DCDC1: variants seen among roughly 807,000 people sequenced by gnomAD.
The protein encoded by DCDC1 is doublecortin domain containing 1.
A neutral mutation model predicts 178.3 loss-of-function variants in DCDC1; 200 were observed. The observed-to-expected ratio is 1.12, with a 90% CI of 1.00 to 1.26. The LOEUF is 1.26. DCDC1 is among the 50% of genes most tolerant of loss of function. The pLI is 0.00. For missense variants in DCDC1, 1,983 were observed against 1,749.2 expected, an observed-to-expected ratio of 1.13 and a Z score of -2.38; for synonymous variants, 690 against 604.8, an observed-to-expected ratio of 1.14 and a Z score of -2.07.
rs1300927441 is a variant in DCDC1, at chr11:31,213,103, CT to C, written c.1221+28346del. ...TCATCTTCTATATAAAGCCCAGCCT[CT>C]CTCTCTCTCTCTCTCTCTCTCTCTC... On this transcript the variant is annotated intron_variant, in intron 9 of 38. Transcript: ENST00000684477. Among the ~76,000 whole-genome samples, 113 of 15,582 alleles carry C rather than the reference CT, an allele frequency of 7.3e-3. 1 individual carries two copies. The highest frequency in any genetic ancestry group is 0.054 in the East Asian group (10 of 186). 10.2% of individuals were successfully genotyped at this position (15,582 alleles called of 152,430 possible). A position where few individuals can be genotyped will look rare whatever the true frequency, so the allele number is the denominator to read the frequency against.
At position 30,881,265 on chromosome 11, in the gene DCDC1, G is replaced by T; in HGVS notation, c.5126C>A (p.Ala1709Asp). The change falls in exon 37 of 39, where the codon GCT becomes GAT. Residue 1709 changes from alanine (A) to aspartate (D), a missense_variant. By Grantham distance (126) the Ala-to-Asp change is moderately radical. Coordinates refer to ENST00000684477, the MANE Select transcript of DCDC1 (RefSeq NM_001387274.1). ...CSSRLKMTHP[A>D]RALYTPSGEP... ...TCCACTGGGGGTGTACAGTGCTCTA[G>T]CTGGGTGGGTCATTTTGAGACGAGA... 6.2e-7 allele frequency: 1 copy of T among 1,613,518 alleles called. No homozygotes were observed. The highest frequency in any genetic ancestry group is 1.1e-5 in the South Asian group (1 of 91,068).
intron 9 of DCDC1, among the ~76,000 whole-genome samples, chr11:31,213,134 T>TCCCTCTCC (rs1972923488): frequency 7.2e-6 from 1 of 139,642 alleles, no homozygotes; most frequent in African/African-American, 2.8e-5. Context: ...TCTCTCTCTC[T>TCCCTCTCC]CTCTCTCTCT....
intron 20 of DCDC1, among the ~76,000 whole-genome samples, chr11:31,060,170 C>T (rs1216489502): frequency 6.6e-6 from 1 of 151,946 alleles, no homozygotes; most frequent in Non-Finnish European, 1.5e-5. Flanking sequence ...AAATGGTAAA[C>T]ATAATAAATT....
rs1306477718 is a variant in DCDC1, at chr11:31,290,824, AGTTAC to A, written c.778_782del (p.Val260LeufsTer11). On this transcript the variant is annotated frameshift_variant, in exon 7 of 39. Transcript: ENST00000684477. LOFTEE classifies it high-confidence loss of function. ...GAAGCATCAACCCATTCATTGTCCA[AGTTAC>A]TTTCTTAATTAACAACAGATGGTCT... 5 of 1,612,696 alleles carry A rather than the reference AGTTAC, an allele frequency of 3.1e-6. No homozygotes were observed. In the South Asian group the frequency reaches 5.5e-5, roughly 18 times the overall value.
chr11:30,898,856 C>T (rs895055639), intron 34 of DCDC1, among the ~76,000 whole-genome samples: 2 of 152,112 alleles, frequency 1.3e-5, no homozygotes, highest in Non-Finnish European at 2.9e-5. Context: ...ATGGCAATTA[C>T]TGAGTTTGAA....
At chr11:31,315,541 T>C (rs1207100082) in intron 3 of DCDC1, among the ~76,000 whole-genome samples, 2 of 151,652 alleles carry the variant, frequency 1.3e-5, no homozygotes, top group African/African-American at 4.8e-5. Flanking sequence ...TTTCACCGTG[T>C]TAGCCAGGAT....
intron 11 of DCDC1, among the ~76,000 whole-genome samples, chr11:31,122,627 G>A (rs949744512): frequency 6.6e-6 from 1 of 152,024 alleles, no homozygotes; most frequent in African/African-American, 2.4e-5. Flanking sequence ...GCCAAGTCTT[G>A]TATCCACATC....
chr11:30,875,790 CAG>C (rs1346821152), intron 38 of DCDC1, among the ~76,000 whole-genome samples: 2 of 152,058 alleles, frequency 1.3e-5, no homozygotes, highest in Non-Finnish European at 2.9e-5. Flanking sequence ...AGGAAAAAAA[CAG>C]AGATTTAGGG....
chr11:30,995,008 A>G (rs1209962032), intron 20 of DCDC1, among the ~76,000 whole-genome samples: 1 of 151,696 alleles, frequency 6.6e-6, no homozygotes, highest in Non-Finnish European at 1.5e-5. Flanking sequence ...TTCACAGACA[A>G]TATGATTATC....
chr11:31,229,718 A>G (rs1476967378), intron 9 of DCDC1, among the ~76,000 whole-genome samples: 5 of 152,172 alleles, frequency 3.3e-5, no homozygotes, highest in Non-Finnish European at 7.4e-5. Context: ...ATGGCGCAGC[A>G]TAAGGAAATA....
chr11:31,123,134 C>A (rs938772015), intron 11 of DCDC1, among the ~76,000 whole-genome samples: 2 of 151,976 alleles, frequency 1.3e-5, no homozygotes, highest in African/African-American at 4.8e-5. Flanking sequence ...CTAGTCTAGA[C>A]AATCAATAAA....
chr11:31,095,363 C>T (rs1290579120), intron 15 of DCDC1, among the ~76,000 whole-genome samples: 2 of 152,194 alleles, frequency 1.3e-5, no homozygotes, highest in Non-Finnish European at 2.9e-5. Context: ...AATCGCCACA[C>T]TGTCTTCCAC....
At chr11:31,134,139 C>A (rs1196373436) in intron 10 of DCDC1, among the ~76,000 whole-genome samples, 1 of 152,192 alleles carries the variant, frequency 6.6e-6, no homozygotes, top group Non-Finnish European at 1.5e-5. Context: ...TAACATCATA[C>A]CCATCCACTC....
chr11:31,166,443 T>C (rs1408504611), intron 9 of DCDC1, among the ~76,000 whole-genome samples: 2 of 152,172 alleles, frequency 1.3e-5, no homozygotes, highest in Non-Finnish European at 2.9e-5. Context: ...CCTTAATGTA[T>C]GCAAATTTAA....
chr11:30,972,720 T>G (rs1008978039), intron 20 of DCDC1, among the ~76,000 whole-genome samples: 2 of 152,214 alleles, frequency 1.3e-5, no homozygotes, highest in African/African-American at 4.8e-5. Flanking sequence ...TAACCTTGAA[T>G]GTAAATAGAT....
intron 11 of DCDC1, 83 bp downstream of exon 11, chr11:31,127,386 T>A (rs1961788747): frequency 5.4e-6 from 3 of 559,646 alleles, no homozygotes; most frequent in Non-Finnish European, 9.6e-6. Flanking sequence ...TCAAGCTAAG[T>A]GGCATTGTTA....
intron 20 of DCDC1, among the ~76,000 whole-genome samples, chr11:30,960,253 C>T (rs1949018946): frequency 6.6e-6 from 1 of 152,068 alleles, no homozygotes; most frequent in Non-Finnish European, 1.5e-5. Context: ...TAGTTTACTT[C>T]TACAGTTTTT....
chr11:30,880,112 T>G (rs1366770332), intron 37 of DCDC1, among the ~76,000 whole-genome samples: 2 of 152,184 alleles, frequency 1.3e-5, no homozygotes, highest in Non-Finnish European at 2.9e-5. Context: ...CAGAAAGCTA[T>G]TGACTAATAC....
intron 7 of DCDC1, among the ~76,000 whole-genome samples, chr11:31,278,488 A>T (rs1469702655): frequency 6.6e-6 from 1 of 152,134 alleles, no homozygotes; most frequent in Non-Finnish European, 1.5e-5. Flanking sequence ...CAGAGAGTAG[A>T]ATGGTGATTA....
Sources: gnomAD v4.1 joint callset for allele counts (sites outside exome capture counted in the v4.1 genomes callset) on GRCh38, gnomAD v4.1.1 for gene constraint, MANE v1.5 for transcripts, NCBI Gene and HGNC (gene_info 2026-07-23, HGNC 2026-07-21) for gene names.